Variants in UBL3 observed in about 807,000 individuals in gnomAD.
The protein encoded by UBL3 is ubiquitin-like protein 3.
UBL3 carries 6 observed loss-of-function variants against 18.4 expected under a neutral mutation model. The observed-to-expected ratio is 0.33, with a 90% CI of 0.18 to 0.64. The LOEUF (loss-of-function observed/expected upper bound fraction) is 0.64, where lower values mean the gene tolerates loss of function less well. UBL3 is among the 30% of genes least tolerant of loss of function. The probability of loss-of-function intolerance (pLI) is 0.76; values close to 1 mark genes in which losing one functional copy is unlikely to be tolerated. For synonymous variants in UBL3, 49 were observed against 46.6 expected, an observed-to-expected ratio of 1.05 and a Z score of -0.21; for missense variants, 109 against 142.9, an observed-to-expected ratio of 0.76 and a Z score of 1.21.
chr13:29,817,203 A>G (rs761416257), intron 1 of UBL3, among the ~76,000 whole-genome samples: 16 of 152,376 alleles, frequency 1.1e-4, no homozygotes, highest in Non-Finnish European at 1.8e-4. Flanking sequence ...GAGTAAATAA[A>G]TAAAAGCATT....
intron 1 of UBL3, among the ~76,000 whole-genome samples, chr13:29,848,591 A>T (rs1316725677): frequency 6.6e-6 from 1 of 152,250 alleles, no homozygotes; most frequent in Non-Finnish European, 1.5e-5. Flanking sequence ...CAACTACGTT[A>T]ACTTCAATTC....
intron 3 of UBL3, among the ~76,000 whole-genome samples, chr13:29,769,731 A>G (rs1876788325): frequency 6.6e-6 from 1 of 152,118 alleles, no homozygotes; most frequent in East Asian, 1.9e-4. Context: ...TCCTTTAATG[A>G]AATGAAACTC....
chr13:29,813,512 G>A (rs1878169436), intron 1 of UBL3, among the ~76,000 whole-genome samples: 1 of 151,938 alleles, frequency 6.6e-6, no homozygotes, highest in Non-Finnish European at 1.5e-5. Flanking sequence ...GCATTCACAG[G>A]TTCAACCAAC....
intron 2 of UBL3, 94 bp from the exon 3 acceptor site, chr13:29,772,292 A>G: frequency 2.0e-6 from 2 of 985,846 alleles, no homozygotes; most frequent in Non-Finnish European, 3.0e-6. Context: ...AATCAGTTAG[A>G]GTACAAAGAA....
chr13:29,766,133 T>A lies in UBL3; in HGVS notation c.*1122A>T, dbSNP rs1199564465. 6.6e-6 allele frequency: 1 copy of A among 152,606 alleles called. No individual in the cohort carries two copies. The highest frequency in any genetic ancestry group is 1.5e-5 in the Non-Finnish European group (1 of 68,008). The allele number at this position is 152,606 out of a possible 1,614,324, so 9.5% of individuals were successfully genotyped here. A position where few individuals can be genotyped will look rare whatever the true frequency, so the allele number is the denominator to read the frequency against. On this transcript the variant is annotated 3_prime_UTR_variant, in exon 5 of 5. Coordinates refer to ENST00000380680, the MANE Select transcript of UBL3 (RefSeq NM_007106.4). The stretch of plus-strand genomic sequence containing the variant: ...TAGATGAAAGTAGCTCATGCTTTAG[T>A]GCTGTGCAAATTGTTTTTAGCATAT...
intron 1 of UBL3, among the ~76,000 whole-genome samples, chr13:29,804,394 C>CCTAA (rs1465072206): frequency 6.6e-6 from 1 of 152,012 alleles, no homozygotes; most frequent in Non-Finnish European, 1.5e-5. Flanking sequence ...AAATTAACAA[C>CCTAA]CTAACATTAC....
chr13:29,770,333 G>A (rs777660207), intron 3 of UBL3, among the ~76,000 whole-genome samples: 1 of 151,976 alleles, frequency 6.6e-6, no homozygotes, highest in African/African-American at 2.4e-5. Context: ...TTCTACACTA[G>A]AGATAGTTTA....
chr13:29,828,217 T>G (rs1390786006), intron 1 of UBL3, among the ~76,000 whole-genome samples: 1 of 152,198 alleles, frequency 6.6e-6, no homozygotes, highest in Non-Finnish European at 1.5e-5. Context: ...TGAATTTGAA[T>G]GTTGGCCTGC....
intron 1 of UBL3, among the ~76,000 whole-genome samples, chr13:29,834,073 G>A (rs1055591464): frequency 6.6e-6 from 1 of 151,884 alleles, no homozygotes; most frequent in African/African-American, 2.4e-5. Context: ...TGTAATCCCA[G>A]CTACTCAGGA....
chr13:29,771,009 T>TGC (rs1314427288), intron 3 of UBL3, among the ~76,000 whole-genome samples: 1 of 152,066 alleles, frequency 6.6e-6, no homozygotes, highest in African/African-American at 2.4e-5. Context: ...TAGCCCTTAT[T>TGC]GCCCAGGATT....
intron 1 of UBL3, among the ~76,000 whole-genome samples, chr13:29,827,440 G>A (rs1475244554): frequency 6.6e-6 from 1 of 151,590 alleles, no homozygotes; most frequent in Non-Finnish European, 1.5e-5. Flanking sequence ...TTATGTAACG[G>A]CCTTGTCTCT....
intron 1 of UBL3, among the ~76,000 whole-genome samples, chr13:29,810,446 A>C (rs1878030819): frequency 6.6e-6 from 1 of 152,090 alleles, no homozygotes; most frequent in South Asian, 2.1e-4. Context: ...GGAATAGCTA[A>C]TGAGACAGTA....
intron 1 of UBL3, among the ~76,000 whole-genome samples, chr13:29,803,966 C>T (rs1214364509): frequency 2.0e-5 from 3 of 151,762 alleles, no homozygotes; most frequent in Admixed American, 6.6e-5. Context: ...GAACTCTTCA[C>T]CAAAAAACAT....
chr13:29,822,481 G>A (rs1878484750), intron 1 of UBL3, among the ~76,000 whole-genome samples: 1 of 152,158 alleles, frequency 6.6e-6, no homozygotes, highest in Non-Finnish European at 1.5e-5. Context: ...TCTAGTTTAG[G>A]AGAGTTCTAA....
At chr13:29,793,309 T>C (rs1051751429) in intron 1 of UBL3, among the ~76,000 whole-genome samples, 1 of 152,130 alleles carries the variant, frequency 6.6e-6, no homozygotes, top group African/African-American at 2.4e-5. Flanking sequence ...GCCATGGACA[T>C]GAAAAGACCA....
chr13:29,849,757 A>C lies in UBL3; in HGVS notation c.-219T>G. ...GGAGCTGTGTGGCCGGAGCAGGAGG[A>C]AACTCCCGGGACAGCAGAGGCAGCC... On this transcript the variant is annotated 5_prime_UTR_variant, in exon 1 of 5. Coordinates refer to ENST00000380680, the MANE Select transcript of UBL3 (RefSeq NM_007106.4). 1 of 627,456 alleles carries C rather than the reference A, an allele frequency of 1.6e-6. No homozygotes were observed. 38.9% of individuals were successfully genotyped at this position (627,456 alleles called of 1,614,324 possible).
chr13:29,772,416 C>T (rs1346683173), intron 2 of UBL3, among the ~76,000 whole-genome samples: 1 of 151,942 alleles, frequency 6.6e-6, no homozygotes, highest in Non-Finnish European at 1.5e-5. Flanking sequence ...ACTCGTTTTG[C>T]TTCTTAAAGA....
chr13:29,803,106 A>T (rs1430408336), intron 1 of UBL3, among the ~76,000 whole-genome samples: 1 of 152,216 alleles, frequency 6.6e-6, no homozygotes, highest in African/African-American at 2.4e-5. Flanking sequence ...TATATTCAGC[A>T]TTCTATAAGA....
chr13:29,829,439 T>C (rs966644057), intron 1 of UBL3, among the ~76,000 whole-genome samples: 9 of 152,228 alleles, frequency 5.9e-5, no homozygotes, highest in African/African-American at 2.2e-4. Flanking sequence ...AATCTCAGAC[T>C]GCTGTGCTAG....
Sources: gnomAD v4.1 joint callset for allele counts (sites outside exome capture counted in the v4.1 genomes callset) on GRCh38, gnomAD v4.1.1 for gene constraint, MANE v1.5 for transcripts, NCBI Gene and HGNC (gene_info 2026-07-23, HGNC 2026-07-21) for gene names.